ARHGEF3: variants seen among roughly 807,000 people sequenced by gnomAD.
ARHGEF3 encodes the protein 59.8 kDA protein.
A neutral mutation model predicts 63.2 loss-of-function variants in ARHGEF3; 28 were observed. The observed-to-expected ratio is 0.44, with a 90% confidence interval of 0.33 to 0.61. The LOEUF is 0.61. Among genes scored for constraint, ARHGEF3 ranks in the 20% least tolerant of loss-of-function variants. ARHGEF3 has a pLI of 0.03. For synonymous variants in ARHGEF3, 266 were observed against 254.2 expected (o/e 1.05, Z -0.44); for missense variants, 533 against 659.3 (o/e 0.81, Z 2.10).
At chr3:56,971,162 G>C (rs138086116) in intron 2 of ARHGEF3, among the ~76,000 whole-genome samples, 1 of 152,230 alleles carries the variant, frequency 6.6e-6, no homozygotes, top group Non-Finnish European at 1.5e-5. Flanking sequence ...TAAGTCTGTG[G>C]TCACCAATAC....
chr3:56,895,476 T>TTTATTTA (rs1560029425), intron 3 of ARHGEF3, among the ~76,000 whole-genome samples: 4 of 151,874 alleles, frequency 2.6e-5, no homozygotes, highest in African/African-American at 7.3e-5. Flanking sequence ...TTATTTATTT[T>TTTATTTA]TTTTTGAGAT....
intron 6 of ARHGEF3, among the ~76,000 whole-genome samples, chr3:56,750,799 T>C (rs1267212560): frequency 6.6e-6 from 1 of 151,822 alleles, no homozygotes; most frequent in African/African-American, 2.4e-5. Flanking sequence ...TAGTTTCATG[T>C]GTACCTTTAC....
intron 4 of ARHGEF3, among the ~76,000 whole-genome samples, chr3:56,816,403 T>A (rs1043361723): frequency 6.6e-6 from 1 of 152,218 alleles, no homozygotes; most frequent in African/African-American, 2.4e-5. Flanking sequence ...AACTTCTAAA[T>A]AGTGCCCCAT....
At chr3:57,057,697 C>T (rs1705004868) in intron 1 of ARHGEF3, among the ~76,000 whole-genome samples, 2 of 152,164 alleles carry the variant, frequency 1.3e-5, no homozygotes, top group African/African-American at 4.8e-5. Context: ...CTGTGCCACA[C>T]ATCATACAAT....
intron 4 of ARHGEF3, among the ~76,000 whole-genome samples, chr3:56,859,296 C>T (rs950559278): frequency 2.0e-5 from 3 of 151,490 alleles, no homozygotes; most frequent in Non-Finnish European, 4.4e-5. Flanking sequence ...CACCACCAGG[C>T]TCGGCTAATT....
intron 2 of ARHGEF3, among the ~76,000 whole-genome samples, chr3:56,766,887 C>T (rs2035732037): frequency 6.6e-6 from 1 of 152,160 alleles, no homozygotes; most frequent in Non-Finnish European, 1.5e-5. Context: ...TACAGACATA[C>T]ACATGATCAG....
intron 3 of ARHGEF3, among the ~76,000 whole-genome samples, chr3:56,943,190 A>G (rs1162520788): frequency 1.3e-5 from 2 of 152,244 alleles, no homozygotes; most frequent in Non-Finnish European, 2.9e-5. Context: ...TCCTAGCTAG[A>G]GAGAAGTCAA....
At chr3:56,919,834 T>C (rs2042081080) in intron 3 of ARHGEF3, among the ~76,000 whole-genome samples, 1 of 152,244 alleles carries the variant, frequency 6.6e-6, no homozygotes, top group South Asian at 2.1e-4. Context: ...AAAGGTGGTG[T>C]ACGCCTACCC....
intron 3 of ARHGEF3, among the ~76,000 whole-genome samples, chr3:56,920,342 C>T (rs1333515171): frequency 6.6e-6 from 1 of 152,138 alleles, no homozygotes; most frequent in Non-Finnish European, 1.5e-5. Context: ...AAACTGGGAC[C>T]TAACTAAGGT....
chr3:56,745,092 A>C (rs1331726788), intron 7 of ARHGEF3, 113 bp downstream of exon 7: 2 of 1,371,894 alleles, frequency 1.5e-6, no homozygotes, highest in African/African-American at 1.5e-5. Context: ...CCTGGAACCC[A>C]AGATTCCTGA....
At chr3:57,002,016 C>A (rs980357128) in intron 2 of ARHGEF3, among the ~76,000 whole-genome samples, 1 of 149,978 alleles carries the variant, frequency 6.7e-6, no homozygotes, top group African/African-American at 2.5e-5. Flanking sequence ...CTCCGCTTCC[C>A]GGGTTCACGC....
chr3:57,058,232 C>T (rs1243254123), intron 1 of ARHGEF3, among the ~76,000 whole-genome samples: 3 of 152,238 alleles, frequency 2.0e-5, no homozygotes, highest in African/African-American at 7.2e-5. Context: ...CCACTTGCTC[C>T]CTCAAGGGCC....
chr3:56,731,547 A>C (rs1474307491), intron 9 of ARHGEF3: 1 of 151,164 alleles, frequency 6.6e-6, no homozygotes. Context: ...ATAAATAAAT[A>C]AAAATAAAAC....
At chr3:56,802,867 G>C (rs1323671265), upstream of ARHGEF3, among the ~76,000 whole-genome samples, 2 of 152,188 alleles carry the variant, frequency 1.3e-5, no homozygotes, top group Non-Finnish European at 2.9e-5. Flanking sequence ...TCCATCAATA[G>C]GGAGTGCTTA....
At chr3:56,921,626 A>G (rs1389037737) in intron 3 of ARHGEF3, among the ~76,000 whole-genome samples, 1 of 152,212 alleles carries the variant, frequency 6.6e-6, no homozygotes, top group Non-Finnish European at 1.5e-5. Flanking sequence ...CTGCTTCACC[A>G]TGAACTCTAG....
intron 1 of ARHGEF3, among the ~76,000 whole-genome samples, chr3:57,051,411 C>T (rs1227273436): frequency 1.3e-5 from 2 of 151,468 alleles, no homozygotes; most frequent in Non-Finnish European, 2.9e-5. Flanking sequence ...GGCTTGAACC[C>T]GTGAGGCGGA....
intron 3 of ARHGEF3, among the ~76,000 whole-genome samples, chr3:56,920,126 G>A (rs960852213): frequency 6.6e-6 from 1 of 152,028 alleles, no homozygotes; most frequent in Non-Finnish European, 1.5e-5. Flanking sequence ...TTAAAAGGGG[G>A]AAAAAAACCT....
Position 56,728,746 on chromosome 3 carries a change from C to G in ARHGEF3, c.*524G>C, listed in dbSNP as rs78292988. 0.017 allele frequency: 2,615 copies of G among 153,294 alleles called. 67 individuals are homozygous for G. Among genetic ancestry groups the G allele is most frequent in the African/African-American group, 0.059 (2,460 of 41,558 alleles). 9.5% of individuals were successfully genotyped at this position (153,294 alleles called of 1,614,324 possible). ...CAGAATCCCCAGGGATGTTTTCAAG[C>G]TTTCTAGTTGAGTAAGATCAAACCA... On this transcript the variant is annotated 3_prime_UTR_variant, in exon 10 of 10. Coordinates refer to ENST00000296315, the MANE Select transcript of ARHGEF3 (RefSeq NM_019555.3).
At chr3:56,906,635 A>T (rs2041691908) in intron 3 of ARHGEF3, among the ~76,000 whole-genome samples, 1 of 152,184 alleles carries the variant, frequency 6.6e-6, no homozygotes, top group South Asian at 2.1e-4. Flanking sequence ...CAGGAGTTCG[A>T]GACCAGCCTG....
Sources: gnomAD v4.1 joint callset for allele counts (sites outside exome capture counted in the v4.1 genomes callset) on GRCh38, gnomAD v4.1.1 for gene constraint, MANE v1.5 for transcripts, NCBI Gene and HGNC (gene_info 2026-07-23, HGNC 2026-07-21) for gene names.